KLHL29: variants seen among roughly 807,000 people sequenced by gnomAD.
The protein encoded by KLHL29 is kelch-like protein 29.
A neutral mutation model predicts 80.4 loss-of-function variants in KLHL29; 21 were observed. The observed-to-expected ratio is 0.26, with a 90% confidence interval of 0.19 to 0.38. KLHL29 has a LOEUF of 0.38. KLHL29 is among the 10% of genes least tolerant of loss of function. The pLI is 1.00. For missense variants in KLHL29, 867 were observed against 1,223.9 expected (o/e 0.71, Z 4.35); for synonymous variants, 511 against 526.8 (o/e 0.97, Z 0.41).
chr2:23,673,815 C>T (rs780062641), intron 5 of KLHL29, among the ~76,000 whole-genome samples: 94 of 152,040 alleles, frequency 6.2e-4, no homozygotes, highest in Non-Finnish European at 1.0e-3. Context: ...TGCATACACA[C>T]GCCCTCCATG....
At chr2:23,498,619 T>C (rs978857839) in intron 2 of KLHL29, among the ~76,000 whole-genome samples, 1 of 152,234 alleles carries the variant, frequency 6.6e-6, no homozygotes. Flanking sequence ...CGTTAGGACA[T>C]TTAGGAAGGT....
intron 1 of KLHL29, among the ~76,000 whole-genome samples, chr2:23,431,826 G>A (rs10182178): frequency 0.4 from 59,795 of 149,630 alleles, 12,386 homozygotes; most frequent in African/African-American, 0.51. Context: ...CCCGGGAGGC[G>A]GAGCTTGCAG....
chr2:23,627,723 G>T (rs1669353241), intron 3 of KLHL29, among the ~76,000 whole-genome samples: 1 of 52,776 alleles, frequency 1.9e-5, no homozygotes, highest in Non-Finnish European at 3.8e-5. Context: ...TGTCGTGTCA[G>T]GATTGTTGTG....
At chr2:23,391,852 A>G (rs1000072094) in intron 1 of KLHL29, among the ~76,000 whole-genome samples, 2 of 152,220 alleles carry the variant, frequency 1.3e-5, no homozygotes, top group Non-Finnish European at 2.9e-5. Flanking sequence ...TGTTACTGAC[A>G]TTTGTTCTTC....
Position 23,627,404 on chromosome 2 carries a change from C to T in KLHL29, c.286-11735C>T, listed in dbSNP as rs79456458. On this transcript the variant is annotated intron_variant, in intron 3 of 13. Coordinates refer to ENST00000486442, the MANE Select transcript of KLHL29 (RefSeq NM_052920.2). ...AGCGCCCAGGAGCTGGAAGAAGGCA[C>T]GCTGAGGCCCTCGCTGAGCCTTCTG... 2.8e-4 allele frequency among the ~76,000 whole-genome samples: 42 copies of T among 152,360 alleles called. 1 individual carries two copies. The East Asian group carries it at 7.7e-3, about 28-fold the overall frequency.
rs1043580600 is a variant in KLHL29 at position 23,567,981 on chromosome 2, G to T, written c.285+5500G>T. ...ATGGGTTTTGCCTGTACCTTAAGTC[G>T]CAATTACAGTTTGATTGTGTATTCA... On this transcript the variant is annotated intron_variant, in intron 3 of 13. Coordinates refer to ENST00000486442, the MANE Select transcript of KLHL29 (RefSeq NM_052920.2). Among the ~76,000 whole-genome samples, 3 of 152,154 alleles carry T rather than the reference G, an allele frequency of 2.0e-5. No individual in the cohort carries two copies. In the East Asian group the frequency reaches 5.8e-4, roughly 29 times the overall value.
At chr2:23,598,458 GCACAAA>G (rs929906790) in intron 3 of KLHL29, among the ~76,000 whole-genome samples, 1 of 151,684 alleles carries the variant, frequency 6.6e-6, no homozygotes, top group African/African-American at 2.4e-5. Context: ...TATACACTGT[GCACAAA>G]CACACACACA....
intron 2 of KLHL29, among the ~76,000 whole-genome samples, chr2:23,526,756 G>C (rs188015244): frequency 5.3e-4 from 80 of 152,306 alleles, no homozygotes; most frequent in Non-Finnish European, 1.0e-3. Flanking sequence ...CATTGTTAAC[G>C]TCTCTTCCCA....
At position 23,706,979 on chromosome 2, in the gene KLHL29, T is replaced by G. The variant is rs1672768976; in HGVS notation, c.*315T>G. On this transcript the variant is annotated 3_prime_UTR_variant, in exon 14 of 14. Transcript: ENST00000486442. ...TTTCAACTGGGAGAGAGAAGCTGTT[T>G]TTTCCTTCCTGCAGAGCAAGCTTGA... The G allele has an allele frequency of 4.1e-6, 1 of 241,738 alleles. No individual in the cohort carries two copies. Among genetic ancestry groups the G allele is most frequent in the Admixed American group, 5.7e-5 (1 of 17,578 alleles). The allele number at this position is 241,738 out of a possible 1,614,324, so 15.0% of individuals were successfully genotyped here. A position where few individuals can be genotyped will look rare whatever the true frequency, so the allele number is the denominator to read the frequency against.
intron 3 of KLHL29, among the ~76,000 whole-genome samples, chr2:23,599,225 C>T (rs1006500570): frequency 1.3e-5 from 2 of 152,146 alleles, no homozygotes; most frequent in Admixed American, 6.5e-5. Flanking sequence ...GCCCGTGTTG[C>T]CCCCAGCCTT....
At chr2:23,432,938 G>A (rs1330002946) in intron 1 of KLHL29, among the ~76,000 whole-genome samples, 1 of 152,228 alleles carries the variant, frequency 6.6e-6, no homozygotes, top group Admixed American at 6.5e-5. Flanking sequence ...GCATGGTGAG[G>A]GAGACAGGGG....
At chr2:23,624,639 T>A (rs140346778) in intron 3 of KLHL29, among the ~76,000 whole-genome samples, 507 of 152,336 alleles carry the variant, frequency 3.3e-3, no homozygotes, top group African/African-American at 0.012. Flanking sequence ...CAGCCTGCTT[T>A]CCAGTCCTTT....
Position 23,621,640 on chromosome 2 carries a change from G to A in KLHL29, c.286-17499G>A, listed in dbSNP as rs528418024. Among the ~76,000 whole-genome samples, 5 of 152,212 alleles carry A rather than the reference G, an allele frequency of 3.3e-5. No homozygotes were observed. In the South Asian group the frequency reaches 8.3e-4, roughly 25 times the overall value. On this transcript the variant is annotated intron_variant, in intron 3 of 13. Transcript: ENST00000486442. ...GGAAATGCAGACTGGAGAGAATGGA[G>A]GTGAATGGAGATGCCGAGCCCCCAG...
intron 1 of KLHL29, among the ~76,000 whole-genome samples, chr2:23,435,208 G>A (rs1663304238): frequency 6.6e-6 from 1 of 152,178 alleles, no homozygotes; most frequent in Non-Finnish European, 1.5e-5. Context: ...GTTGGGTAAG[G>A]TCGGGCATTA....
At chr2:23,677,730 A>G (rs921511392) in intron 5 of KLHL29, among the ~76,000 whole-genome samples, 3 of 152,100 alleles carry the variant, frequency 2.0e-5, no homozygotes, top group African/African-American at 7.2e-5. Context: ...TAAAGCCCCC[A>G]TTTGTCCCCA....
chr2:23,387,061 C>T (rs1272791525), intron 1 of KLHL29, among the ~76,000 whole-genome samples: 1 of 152,192 alleles, frequency 6.6e-6, no homozygotes, highest in Non-Finnish European at 1.5e-5. Context: ...GCTGCCATCC[C>T]CGCCGCTCTG....
intron 3 of KLHL29, among the ~76,000 whole-genome samples, chr2:23,584,289 G>A (rs1021230058): frequency 9.2e-5 from 14 of 152,280 alleles, no homozygotes; most frequent in African/African-American, 2.4e-4. Context: ...GGCAGGCGGC[G>A]GTGCTGCTCA....
At chr2:23,402,794 T>C (rs1047303725) in intron 1 of KLHL29, among the ~76,000 whole-genome samples, 13 of 152,192 alleles carry the variant, frequency 8.5e-5, no homozygotes, top group Admixed American at 6.5e-5. Context: ...TTTGAGAGAA[T>C]AGTTTTTAAT....
At chr2:23,580,289 G>A (rs1053585438) in intron 3 of KLHL29, among the ~76,000 whole-genome samples, 29 of 150,292 alleles carry the variant, frequency 1.9e-4, no homozygotes, top group Non-Finnish European at 2.4e-4. Context: ...GGAGAATGGC[G>A]TGAACCCAGG....
Sources: allele counts gnomAD v4.1 joint callset (sites outside exome capture counted in the v4.1 genomes callset), GRCh38; gene constraint gnomAD v4.1.1; transcripts MANE v1.5; gene names NCBI Gene and HGNC (gene_info 2026-07-23, HGNC 2026-07-21).